The following DCDC2 variants were observed in gnomAD, a reference collection of about 807,000 sequenced individuals.
DCDC2 encodes doublecortin domain containing 2, also known as doublecortin domain-containing protein 2.
Under a neutral mutation model 50.2 loss-of-function variants are expected in DCDC2, and 40 were observed. The observed-to-expected ratio is 0.80, with a 90% CI of 0.62 to 1.04. The LOEUF (loss-of-function observed/expected upper bound fraction) is 1.04. Among genes scored for constraint, DCDC2 ranks in the 50% least tolerant of loss-of-function variants. The pLI is 0.00. For synonymous variants in DCDC2, 234 were observed against 210.6 expected, an observed-to-expected ratio of 1.11 and a Z score of -0.96; for missense variants, 570 against 581.9, an observed-to-expected ratio of 0.98 and a Z score of 0.21.
At chr6:24,352,799 G>A (rs1172410303) in intron 2 of DCDC2, among the ~76,000 whole-genome samples, 1 of 152,120 alleles carries the variant, frequency 6.6e-6, no homozygotes, top group Non-Finnish European at 1.5e-5. Context: ...TTACCCATTG[G>A]AAGCACTTGT....
intron 7 of DCDC2, among the ~76,000 whole-genome samples, chr6:24,221,591 G>T (rs543618716): frequency 6.6e-6 from 1 of 152,310 alleles, no homozygotes; most frequent in African/African-American, 2.4e-5. Flanking sequence ...CACACAACAT[G>T]GTCAGGTTAC....
chr6:24,251,222 T>C (rs368412225), intron 7 of DCDC2, among the ~76,000 whole-genome samples: 1 of 152,172 alleles, frequency 6.6e-6, no homozygotes, highest in Non-Finnish European at 1.5e-5. Context: ...GAGGCAAAAC[T>C]GGACAGTTTC....
chr6:24,182,032 C>T (rs1354560327), intron 8 of DCDC2, among the ~76,000 whole-genome samples: 8 of 152,156 alleles, frequency 5.3e-5, no homozygotes, highest in Non-Finnish European at 1.2e-4. Context: ...TCAAATGGTT[C>T]TGATAAGGGT....
chr6:24,318,972 T>C lies in DCDC2; in HGVS notation c.349-16928A>G, dbSNP rs545673831. Reference sequence around the variant, plus strand: ...CCAGTAGTGGGACTGCCAGACTGAATGGTAGTTCTATTTTTAGTTCTTTGA... The same window carrying C: ...CCAGTAGTGGGACTGCCAGACTGAACGGTAGTTCTATTTTTAGTTCTTTGA... On this transcript the variant is annotated intron_variant, in intron 2 of 9. Transcript: ENST00000378454. 1.8e-3 allele frequency among the ~76,000 whole-genome samples: 272 copies of C among 152,274 alleles called. 1 individual carries two copies. Among genetic ancestry groups the C allele is most frequent in the Non-Finnish European group, 3.4e-3 (234 of 67,990 alleles).
chr6:24,377,564 C>T, the DCDC2 span, among the ~76,000 whole-genome samples: 1 of 152,098 alleles, frequency 6.6e-6, no homozygotes, highest in Non-Finnish European at 1.5e-5. Flanking sequence ...TTTATTTTTA[C>T]GTGATACTCA....
In DCDC2 at chr6:24,291,087, A is replaced by G. The variant is rs1206247294; in HGVS notation, c.558-9T>C. 1 of 1,607,258 alleles carries G rather than the reference A, an allele frequency of 6.2e-7. No individual in the cohort carries two copies. Among genetic ancestry groups the G allele is most frequent in the East Asian group, 2.2e-5 (1 of 44,724 alleles). On this transcript the variant is annotated splice_polypyrimidine_tract_variant and intron_variant, in intron 4 of 9. Transcript: ENST00000378454. ...CTTCTAAAGTATAAAGCCTGTCGAA[A>G]ATATGAACACCAACAATTAGAATTT...
chr6:24,251,259 C>T (rs762334119), intron 7 of DCDC2, among the ~76,000 whole-genome samples: 6 of 152,158 alleles, frequency 3.9e-5, no homozygotes, highest in Non-Finnish European at 8.8e-5. Flanking sequence ...CAGGAGGATA[C>T]ATGAAGAATA....
intron 6 of DCDC2, 120 bp downstream of exon 6, chr6:24,288,732 G>T: frequency 1.3e-6 from 1 of 798,804 alleles, no homozygotes; most frequent in Non-Finnish European, 2.1e-6. Flanking sequence ...TCACATAATT[G>T]GTTATACACC....
intron 7 of DCDC2, among the ~76,000 whole-genome samples, chr6:24,241,044 C>G (rs147898259): frequency 4.6e-5 from 7 of 152,252 alleles, no homozygotes; most frequent in Admixed American, 4.6e-4. Context: ...TTGTAGGATT[C>G]AAGAATTTGT....
upstream of DCDC2, among the ~76,000 whole-genome samples, chr6:24,358,885 A>AT (rs1561788398): frequency 2.9e-5 from 1 of 34,692 alleles, no homozygotes; most frequent in African/African-American, 1.5e-4. Context: ...TGTATTATAT[A>AT]TATTTATATA....
At chr6:24,224,505 C>T (rs1330494578) in intron 7 of DCDC2, among the ~76,000 whole-genome samples, 3 of 152,104 alleles carry the variant, frequency 2.0e-5, no homozygotes, top group Admixed American at 6.5e-5. Context: ...ACTTGGTGAG[C>T]GTGTGTGTGC....
chr6:24,244,473 G>T (rs1308165723), intron 7 of DCDC2, among the ~76,000 whole-genome samples: 1 of 152,190 alleles, frequency 6.6e-6, no homozygotes, highest in Non-Finnish European at 1.5e-5. Context: ...GCTGCCTCTG[G>T]GGCCTAAGAC....
the DCDC2 span, among the ~76,000 whole-genome samples, chr6:24,377,925 G>A: frequency 1.7e-4 from 26 of 152,244 alleles, no homozygotes; most frequent in East Asian, 7.7e-4. Context: ...GGAGGCGGAG[G>A]TTGCAGTGAG....
At chr6:24,186,821 A>G (rs767763444) in intron 8 of DCDC2, among the ~76,000 whole-genome samples, 2 of 152,114 alleles carry the variant, frequency 1.3e-5, no homozygotes. Context: ...CACAATTATT[A>G]TGTCGAAGTC....
chr6:24,198,508 C>T (rs999140417), intron 8 of DCDC2, among the ~76,000 whole-genome samples: 4 of 152,302 alleles, frequency 2.6e-5, no homozygotes, highest in South Asian at 2.1e-4. Flanking sequence ...CTTTGTGACC[C>T]GCAGACCAGG....
the DCDC2 span, among the ~76,000 whole-genome samples, chr6:24,366,910 G>T: frequency 6.6e-6 from 1 of 151,754 alleles, no homozygotes; most frequent in Non-Finnish European, 1.5e-5. Flanking sequence ...CATGATCATA[G>T]CTCACTGCAA....
At chr6:24,300,033 A>T (rs1407475691) in intron 4 of DCDC2, among the ~76,000 whole-genome samples, 2 of 152,166 alleles carry the variant, frequency 1.3e-5, no homozygotes, top group South Asian at 2.1e-4. Context: ...GGAAAAAATC[A>T]AGGGGGTGTT....
chr6:24,191,928 G>GCC (rs1761321681), intron 8 of DCDC2, among the ~76,000 whole-genome samples: 1 of 152,190 alleles, frequency 6.6e-6, no homozygotes, highest in Non-Finnish European at 1.5e-5. Flanking sequence ...AGAAAGGGAA[G>GCC]CCAAGAAGCA....
intron 2 of DCDC2, among the ~76,000 whole-genome samples, chr6:24,305,825 C>T (rs707865): frequency 0.77 from 117,116 of 151,972 alleles, 47,721 homozygotes; most frequent in East Asian, 0.99. Context: ...GTCAGGAGTT[C>T]GAGACCAGCC....
Sources: gnomAD v4.1 joint callset for allele counts (sites outside exome capture counted in the v4.1 genomes callset) on GRCh38, gnomAD v4.1.1 for gene constraint, MANE v1.5 for transcripts, NCBI Gene and HGNC (gene_info 2026-07-23, HGNC 2026-07-21) for gene names.